The following ASB3 variants were observed in gnomAD, a reference collection of about 807,000 sequenced individuals.
The protein encoded by ASB3 is ankyrin repeat and SOCS box containing 3.
Under a neutral mutation model 54.5 loss-of-function variants are expected in ASB3, and 41 were observed. That is an observed-to-expected ratio of 0.75 (90% confidence interval 0.59 to 0.98). The LOEUF (loss-of-function observed/expected upper bound fraction) is 0.98. Ranked by LOEUF, ASB3 falls within the 50% of genes least tolerant of loss-of-function variation. ASB3 has a pLI of 0.00. For missense variants in ASB3, 733 were observed against 620.0 expected (o/e 1.18, Z -1.94); for synonymous variants, 266 against 221.2 (o/e 1.20, Z -1.80).
chr2:53,700,446 A>C lies in ASB3; in HGVS notation c.1063T>G (p.Tyr355Asp), dbSNP rs1281185339. ...TAGCGAAATATCGAAAACTTCTCGT[A>C]CTTCAGGCAGTATGCCAAATGAAGT... ...NELHLAYCLK[Y>D]EKFSIFRYFL... is the part of the protein sequence containing the mutation. The change falls in exon 8 of 10, where the codon TAC becomes GAC. Residue 355 changes from tyrosine to aspartate, a missense_variant. Transcript: ENST00000263634. 6.2e-7 allele frequency: 1 copy of C among 1,614,164 alleles called. No individual in the cohort carries two copies. Among genetic ancestry groups the C allele is most frequent in the Non-Finnish European group, 8.5e-7 (1 of 1,180,008 alleles).
intron 7 of ASB3, among the ~76,000 whole-genome samples, chr2:53,701,872 T>C (rs115513995): frequency 0.016 from 2,486 of 152,290 alleles, 25 homozygotes; most frequent in South Asian, 0.048. Flanking sequence ...TATACTTAAA[T>C]ATAAGTTCTA....
intron 9 of ASB3, among the ~76,000 whole-genome samples, chr2:53,682,249 G>C (rs968041888): frequency 6.6e-6 from 1 of 151,818 alleles, no homozygotes; most frequent in African/African-American, 2.4e-5. Context: ...TGAATCTGTA[G>C]ATTGCTTTAA....
intron 9 of ASB3, among the ~76,000 whole-genome samples, chr2:53,677,419 A>G (rs1235112180): frequency 6.6e-6 from 1 of 152,100 alleles, no homozygotes; most frequent in Non-Finnish European, 1.5e-5. Flanking sequence ...CAAATACCCT[A>G]AGTTGTAACA....
At chr2:53,739,790 C>A (rs1328552646) in intron 3 of ASB3, among the ~76,000 whole-genome samples, 1 of 152,180 alleles carries the variant, frequency 6.6e-6, no homozygotes, top group Non-Finnish European at 1.5e-5. Context: ...ATGCTCCCAC[C>A]TCAACCTCAT....
At chr2:53,691,582 T>C (rs1243812991) in intron 9 of ASB3, among the ~76,000 whole-genome samples, 1 of 152,110 alleles carries the variant, frequency 6.6e-6, no homozygotes, top group Non-Finnish European at 1.5e-5. Flanking sequence ...TTTGAGCCCA[T>C]TAGTATTAAA....
intron 5 of ASB3, among the ~76,000 whole-genome samples, chr2:53,719,634 C>G (rs1670590000): frequency 6.6e-6 from 1 of 151,896 alleles, no homozygotes; most frequent in Non-Finnish European, 1.5e-5. Flanking sequence ...ACTTCTCCCC[C>G]ACACATAAAC....
intron 9 of ASB3, among the ~76,000 whole-genome samples, chr2:53,670,927 G>A (rs557208924): frequency 5.3e-5 from 8 of 152,206 alleles, no homozygotes; most frequent in East Asian, 1.9e-4. Context: ...ATCCAGGGCC[G>A]CAAACACTAA....
At chr2:53,678,067 C>G (rs1488365691) in intron 9 of ASB3, among the ~76,000 whole-genome samples, 1 of 151,632 alleles carries the variant, frequency 6.6e-6, no homozygotes, top group Non-Finnish European at 1.5e-5. Flanking sequence ...TGTTGATATA[C>G]CTACCATAAT....
chr2:53,688,000 T>A (rs1360791425), intron 9 of ASB3, among the ~76,000 whole-genome samples: 3 of 152,130 alleles, frequency 2.0e-5, no homozygotes, highest in African/African-American at 7.2e-5. Flanking sequence ...TTATTTTATT[T>A]TGTAGAGATG....
intron 2 of ASB3, among the ~76,000 whole-genome samples, chr2:53,761,057 A>G (rs1349429408): frequency 6.6e-6 from 1 of 152,164 alleles, no homozygotes; most frequent in Non-Finnish European, 1.5e-5. Flanking sequence ...GTCGTCGGCC[A>G]ACCTCCCCAA....
At chr2:53,693,243 A>T (rs1407490816) in intron 9 of ASB3, among the ~76,000 whole-genome samples, 2 of 152,200 alleles carry the variant, frequency 1.3e-5, no homozygotes, top group Admixed American at 6.5e-5. Flanking sequence ...TGTTCAGTTT[A>T]AACTTGTTCC....
chr2:53,676,629 A>G (rs1427968877), intron 9 of ASB3, among the ~76,000 whole-genome samples: 1 of 152,218 alleles, frequency 6.6e-6, no homozygotes, highest in Admixed American at 6.5e-5. Flanking sequence ...ACAGTAGCAT[A>G]CAGTAATGTC....
chr2:53,723,482 C>A (rs1298993046), intron 5 of ASB3, among the ~76,000 whole-genome samples: 1 of 152,108 alleles, frequency 6.6e-6, no homozygotes, highest in African/African-American at 2.4e-5. Flanking sequence ...CCCTCACCCC[C>A]TTCCCATCCT....
At chr2:53,708,371 G>A (rs564028184) in intron 7 of ASB3, among the ~76,000 whole-genome samples, 1 of 152,208 alleles carries the variant, frequency 6.6e-6, no homozygotes, top group East Asian at 1.9e-4. Context: ...CATGGTTCCT[G>A]TACAACCTGT....
intron 3 of ASB3, among the ~76,000 whole-genome samples, chr2:53,734,417 C>T (rs185496236): frequency 2.0e-5 from 3 of 152,264 alleles, no homozygotes; most frequent in Admixed American, 6.5e-5. Context: ...TGAACTACCC[C>T]CAAAGACTAC....
At chr2:53,678,157 G>C (rs1303417212) in intron 9 of ASB3, among the ~76,000 whole-genome samples, 1 of 151,974 alleles carries the variant, frequency 6.6e-6, no homozygotes, top group South Asian at 2.1e-4. Context: ...GTGTGTGTGT[G>C]TGCATGTGTG....
At chr2:53,743,444 T>C (rs2103973875) in intron 3 of ASB3, among the ~76,000 whole-genome samples, 1 of 152,310 alleles carries the variant, frequency 6.6e-6, no homozygotes, top group Non-Finnish European at 1.5e-5. Flanking sequence ...GATAAACTTC[T>C]AAGCTATTTA....
chr2:53,691,106 C>A (rs1304495931), intron 9 of ASB3, among the ~76,000 whole-genome samples: 1 of 152,190 alleles, frequency 6.6e-6, no homozygotes, highest in African/African-American at 2.4e-5. Context: ...TGCAACCACT[C>A]ACTAAATTTT....
intron 8 of ASB3, among the ~76,000 whole-genome samples, chr2:53,695,318 G>A (rs1040194925): frequency 6.6e-6 from 1 of 152,048 alleles, no homozygotes; most frequent in Admixed American, 6.6e-5. Flanking sequence ...AACTTAAAGG[G>A]CAGCACAGAT....
Sources: gnomAD v4.1 joint callset for allele counts (sites outside exome capture counted in the v4.1 genomes callset) on GRCh38, gnomAD v4.1.1 for gene constraint, MANE v1.5 for transcripts, NCBI Gene and HGNC (gene_info 2026-07-23, HGNC 2026-07-21) for gene names.